Variants in KCNMA1 observed in about 807,000 individuals in gnomAD.
KCNMA1 encodes Calcium-activated potassium channel subunit alpha-1.
Under a neutral mutation model 140.0 loss-of-function variants are expected in KCNMA1, and 29 were observed. The ratio of observed to expected loss-of-function variants is 0.21; its 90% confidence interval spans 0.15 to 0.28. The LOEUF is 0.28. KCNMA1 is among the 10% of genes least tolerant of loss of function. The probability of loss-of-function intolerance (pLI) is 1.00; values close to 1 mark genes in which losing one functional copy is unlikely to be tolerated. For missense variants in KCNMA1, 880 were observed against 1,602.2 expected (o/e 0.55, Z 7.70); for synonymous variants, 612 against 611.9 (o/e 1.00, Z 0.00).
In KCNMA1 at chr10:77,372,029, T is replaced by C. The variant is rs1003709783; in HGVS notation, c.540+31833A>G. Among the ~76,000 whole-genome samples the C allele has an allele frequency of 2.6e-5, 4 of 152,218 alleles. No individual in the cohort carries two copies. In the East Asian group the frequency reaches 5.8e-4, roughly 22 times the overall value. ...TGCACATCCTGTTTCCCTAGCTAAA[T>C]TGTAAACTTCTTGAGTTCACATTTG... On this transcript the variant is annotated intron_variant, in intron 2 of 27. Coordinates refer to ENST00000286628, the MANE Select transcript of KCNMA1 (RefSeq NM_001161352.2).
At chr10:77,321,905 C>T (rs575782092) in intron 2 of KCNMA1, among the ~76,000 whole-genome samples, 20 of 152,158 alleles carry the variant, frequency 1.3e-4, no homozygotes, top group East Asian at 1.9e-4. Flanking sequence ...CAAGGGAGTA[C>T]GCTTCAGGAT....
At chr10:77,170,052 G>A (rs974939095) in intron 5 of KCNMA1, among the ~76,000 whole-genome samples, 29 of 152,182 alleles carry the variant, frequency 1.9e-4, no homozygotes, top group African/African-American at 6.0e-4. Flanking sequence ...TTAGCTGGGC[G>A]TGGTGGTGGG....
intron 2 of KCNMA1, among the ~76,000 whole-genome samples, chr10:77,364,335 C>T (rs1380079241): frequency 6.6e-6 from 1 of 152,000 alleles, no homozygotes; most frequent in Non-Finnish European, 1.5e-5. Context: ...CCTGTAGTCT[C>T]AGCTACTTGG....
At chr10:77,599,550 G>T (rs750814589) in intron 1 of KCNMA1, among the ~76,000 whole-genome samples, 81 of 152,282 alleles carry the variant, frequency 5.3e-4, no homozygotes, top group Non-Finnish European at 7.9e-4. Flanking sequence ...TGAAGGGATT[G>T]CATCTCATGT....
chr10:77,527,659 A>G (rs2056268882), intron 1 of KCNMA1, among the ~76,000 whole-genome samples: 1 of 152,208 alleles, frequency 6.6e-6, no homozygotes, highest in African/African-American at 2.4e-5. Flanking sequence ...CAATTTCTAG[A>G]AGAGCCCATA....
intron 1 of KCNMA1, among the ~76,000 whole-genome samples, chr10:77,408,533 T>C (rs287196): frequency 0.75 from 114,646 of 152,104 alleles, 43,398 homozygotes; most frequent in East Asian, 0.88. Flanking sequence ...TGCATCTGTG[T>C]GTGTGCTCAC....
At chr10:77,543,357 C>T (rs2060637276) in intron 1 of KCNMA1, among the ~76,000 whole-genome samples, 1 of 152,040 alleles carries the variant, frequency 6.6e-6, no homozygotes, top group Non-Finnish European at 1.5e-5. Flanking sequence ...CAAAAGGAGT[C>T]CTAAAGAATT....
intron 25 of KCNMA1, chr10:76,901,184 A>G (rs1416001915): frequency 6.6e-6 from 1 of 152,178 alleles, no homozygotes; most frequent in South Asian, 2.1e-4. Flanking sequence ...ATAAAATGAG[A>G]TAATTCTGTA....
intron 18 of KCNMA1, among the ~76,000 whole-genome samples, chr10:77,006,778 C>G (rs566871491): frequency 4.4e-4 from 67 of 152,246 alleles, no homozygotes; most frequent in African/African-American, 1.6e-3. Flanking sequence ...TCTGAAGGAC[C>G]ATTCAATTTA....
chr10:77,145,355 GA>G (rs2098269811), intron 5 of KCNMA1, among the ~76,000 whole-genome samples: 1 of 152,214 alleles, frequency 6.6e-6, no homozygotes, highest in Non-Finnish European at 1.5e-5. Flanking sequence ...ATTTAAAAGA[GA>G]ATTCTATGCA....
chr10:77,187,259 C>T (rs113648910), intron 3 of KCNMA1, among the ~76,000 whole-genome samples: 1,625 of 152,274 alleles, frequency 0.011, 35 homozygotes, highest in African/African-American at 0.037. Context: ...TAAATGGAAA[C>T]AGGTATTGAG....
At position 77,511,581 on chromosome 10, in the gene KCNMA1, C is replaced by G. The variant is rs1210568650; in HGVS notation, c.379-107558G>C. Among the ~76,000 whole-genome samples, 55 of 152,124 alleles carry G rather than the reference C, an allele frequency of 3.6e-4. 1 individual carries two copies. Among genetic ancestry groups the G allele is most frequent in the Admixed American group, 3.6e-3 (55 of 15,278 alleles). Reference sequence around the variant, plus strand: ...GAGAAAATCATGGCAATGCCTAGTTCATAGAATTTCTGTGATGCAGAAATA... The same window carrying G: ...GAGAAAATCATGGCAATGCCTAGTTGATAGAATTTCTGTGATGCAGAAATA... On this transcript the variant is annotated intron_variant, in intron 1 of 27. Transcript: ENST00000286628.
chr10:77,634,967 G>C (rs2093604584), intron 1 of KCNMA1: 1 of 152,040 alleles, frequency 6.6e-6, no homozygotes, highest in Non-Finnish European at 1.5e-5. Context: ...CTTTAAAATG[G>C]ACTTACGGTA....
chr10:77,028,923 T>C (rs1401626210), intron 15 of KCNMA1, among the ~76,000 whole-genome samples: 2 of 152,164 alleles, frequency 1.3e-5, no homozygotes, highest in Non-Finnish European at 2.9e-5. Flanking sequence ...GTGTTATTTA[T>C]ATGGAGTAGA....
chr10:77,353,168 A>T (rs973623614), intron 2 of KCNMA1, among the ~76,000 whole-genome samples: 1 of 152,078 alleles, frequency 6.6e-6, no homozygotes, highest in African/African-American at 2.4e-5. Context: ...AGAATGGGGG[A>T]AGAGAGGATG....
chr10:77,294,918 C>CA (rs1424197904), intron 2 of KCNMA1, among the ~76,000 whole-genome samples: 17 of 150,196 alleles, frequency 1.1e-4, no homozygotes, highest in Admixed American at 5.9e-4. Flanking sequence ...GACTCTGTCT[C>CA]AAAAAAAAGA....
intron 14 of KCNMA1, among the ~76,000 whole-genome samples, chr10:77,065,766 C>T (rs1395290559): frequency 6.6e-6 from 1 of 152,176 alleles, no homozygotes; most frequent in African/African-American, 2.4e-5. Context: ...ATTACATGCA[C>T]ACTTTTATTA....
chr10:77,334,583 G>A (rs2088029006), intron 2 of KCNMA1, among the ~76,000 whole-genome samples: 1 of 152,108 alleles, frequency 6.6e-6, no homozygotes, highest in Non-Finnish European at 1.5e-5. Flanking sequence ...CTGAGTACAA[G>A]GCATTTTGAA....
At chr10:77,185,971 C>T (rs369825063) in intron 3 of KCNMA1, among the ~76,000 whole-genome samples, 15 of 152,210 alleles carry the variant, frequency 9.9e-5, no homozygotes, top group South Asian at 2.1e-4. Context: ...TAAAGGGAAG[C>T]GACAGACCTC....
Sources: allele counts gnomAD v4.1 joint callset (sites outside exome capture counted in the v4.1 genomes callset), GRCh38; gene constraint gnomAD v4.1.1; transcripts MANE v1.5; gene names NCBI Gene and HGNC (gene_info 2026-07-23, HGNC 2026-07-21).